The following SLC20A2 variants were observed in gnomAD, a reference collection of about 807,000 sequenced individuals.
SLC20A2 encodes the protein solute carrier family 20 member 2.
SLC20A2 carries 30 observed loss-of-function variants against 61.0 expected under a neutral mutation model. The ratio of observed to expected loss-of-function variants is 0.49; its 90% confidence interval spans 0.37 to 0.67. SLC20A2 has a LOEUF of 0.67. Among genes scored for constraint, SLC20A2 ranks in the 30% least tolerant of loss-of-function variants. SLC20A2 has a pLI of 0.00. For missense variants in SLC20A2, 626 were observed against 866.4 expected (o/e 0.72, Z 3.48); for synonymous variants, 351 against 353.3 (o/e 0.99, Z 0.07).
chr8:42,488,938 T>G lies in SLC20A2; in HGVS notation c.-265+12093A>C, dbSNP rs539486651. Among the ~76,000 whole-genome samples, 154 of 140,168 alleles carry G rather than the reference T, an allele frequency of 1.1e-3. 1 individual carries two copies. The highest frequency in any genetic ancestry group is 6.0e-3 in the East Asian group (30 of 4,980). The allele number at this position is 140,168 out of a possible 152,430, so 92.0% of individuals were successfully genotyped here. A position where few individuals can be genotyped will look rare whatever the true frequency, so the allele number is the denominator to read the frequency against. On this transcript the variant is annotated intron_variant, in intron 1 of 10. Transcript: ENST00000520262. Reference sequence around the variant, plus strand: ...GTTTTTGAGTTATAGGAGTTTTGTTTTTTTTTTTTTTTTTTTTTTGAAATG... The same window carrying G: ...GTTTTTGAGTTATAGGAGTTTTGTTGTTTTTTTTTTTTTTTTTTTGAAATG...
chr8:42,467,097 G>A (rs1034228835), intron 2 of SLC20A2, among the ~76,000 whole-genome samples: 4 of 152,144 alleles, frequency 2.6e-5, no homozygotes, highest in Non-Finnish European at 4.4e-5. Context: ...CTCACTGGAT[G>A]CAGTGAGCCA....
chr8:42,540,591 CGAA>C (rs1005596208), intron 1 of SLC20A2, among the ~76,000 whole-genome samples: 3 of 152,098 alleles, frequency 2.0e-5, no homozygotes, highest in African/African-American at 7.2e-5. Context: ...TTACCCTAGA[CGAA>C]GGTGAGTTTA....
intron 5 of SLC20A2, among the ~76,000 whole-genome samples, chr8:42,448,544 G>C (rs922009788): frequency 6.6e-6 from 1 of 152,112 alleles, no homozygotes; most frequent in African/African-American, 2.4e-5. Context: ...CCTGTGCTTC[G>C]ACTTAAGATA....
intron 1 of SLC20A2, among the ~76,000 whole-genome samples, chr8:42,481,160 CTAT>C (rs1361511431): frequency 1.3e-5 from 2 of 152,132 alleles, no homozygotes; most frequent in East Asian, 1.9e-4. Flanking sequence ...AAGAAGCAAC[CTAT>C]AATTAAGCTT....
At chr8:42,419,271 A>G (rs73631750) in intron 10 of SLC20A2, among the ~76,000 whole-genome samples, 10,994 of 152,036 alleles carry the variant, frequency 0.072, 708 homozygotes, top group African/African-American at 0.16. Flanking sequence ...CGATGGCTAT[A>G]AAATGGTGAT....
intron 1 of SLC20A2, among the ~76,000 whole-genome samples, chr8:42,510,868 T>A (rs1329059040): frequency 6.6e-6 from 1 of 151,670 alleles, no homozygotes; most frequent in Non-Finnish European, 1.5e-5. Flanking sequence ...GAAAAAAAAA[T>A]TTTATACATG....
chr8:42,459,235 C>CAAAAAAAAAAAAAAAAAAAA (rs756966778), intron 5 of SLC20A2, among the ~76,000 whole-genome samples: 9 of 36,076 alleles, frequency 2.5e-4, no homozygotes, highest in Non-Finnish European at 4.4e-4. Context: ...GACTCTATCT[C>CAAAAAAAAAAAAAAAAAAAA]AAAAAAAAAA....
At chr8:42,493,515 T>G (rs1809681642) in intron 1 of SLC20A2, among the ~76,000 whole-genome samples, 1 of 152,212 alleles carries the variant, frequency 6.6e-6, no homozygotes, top group South Asian at 2.1e-4. Flanking sequence ...TTTAACATTC[T>G]GAACTCCGGG....
chr8:42,448,140 G>A (rs770928805), intron 5 of SLC20A2, among the ~76,000 whole-genome samples: 11 of 152,178 alleles, frequency 7.2e-5, no homozygotes, highest in Non-Finnish European at 7.4e-5. Flanking sequence ...AACAACTGAC[G>A]CCAACACCGA....
upstream of SLC20A2, among the ~76,000 whole-genome samples, chr8:42,505,966 T>G (rs1810673254): frequency 6.6e-6 from 1 of 150,446 alleles, no homozygotes. Flanking sequence ...CTGTATTTTA[T>G]TTATTTATTT....
intron 5 of SLC20A2, among the ~76,000 whole-genome samples, chr8:42,448,834 G>A (rs896156394): frequency 3.9e-5 from 6 of 152,200 alleles, no homozygotes; most frequent in African/African-American, 1.4e-4. Flanking sequence ...TATTCCAGCA[G>A]TTTGGTGATT....
At chr8:42,422,621 C>T (rs987844142) in intron 10 of SLC20A2, among the ~76,000 whole-genome samples, 8 of 152,012 alleles carry the variant, frequency 5.3e-5, no homozygotes, top group African/African-American at 1.5e-4. Context: ...TATCCTCACC[C>T]GCCCCACCCC....
chr8:42,447,519 T>C (rs1392907284), intron 5 of SLC20A2, among the ~76,000 whole-genome samples: 4 of 150,052 alleles, frequency 2.7e-5, no homozygotes, highest in South Asian at 2.1e-4. Flanking sequence ...CTACTAAAAA[T>C]ACAAAAAAAT....
At chr8:42,533,526 G>C (rs538902207) in intron 1 of SLC20A2, among the ~76,000 whole-genome samples, 3 of 152,084 alleles carry the variant, frequency 2.0e-5, no homozygotes. Flanking sequence ...TGAAGCACGA[G>C]AACTGCTTGA....
intron 1 of SLC20A2, among the ~76,000 whole-genome samples, chr8:42,533,032 C>T (rs1812440301): frequency 6.6e-6 from 1 of 152,128 alleles, no homozygotes; most frequent in Non-Finnish European, 1.5e-5. Context: ...AAGTGATAAA[C>T]AGGGCAGAAG....
chr8:42,499,181 C>A (rs1046326210), intron 1 of SLC20A2, among the ~76,000 whole-genome samples: 2 of 152,104 alleles, frequency 1.3e-5, no homozygotes, highest in Non-Finnish European at 2.9e-5. Context: ...CTCCTGGACT[C>A]CTCCTGCGGC....
chr8:42,458,795 G>T (rs2131149835), intron 5 of SLC20A2, among the ~76,000 whole-genome samples: 1 of 151,974 alleles, frequency 6.6e-6, no homozygotes, highest in East Asian at 1.9e-4. Flanking sequence ...TGTAGTCCCA[G>T]CTACTCGGGA....
rs1410240485 is a variant in SLC20A2 at position 42,472,701 on chromosome 8, G to GT, written c.-264-48dup. 2 of 261,436 alleles carry GT rather than the reference G, an allele frequency of 7.7e-6. No individual in the cohort carries two copies. The highest frequency in any genetic ancestry group is 2.2e-5 in the African/African-American group (1 of 45,050). The allele number at this position is 261,436 out of a possible 1,614,324, so 16.2% of individuals were successfully genotyped here. On this transcript the variant is annotated intron_variant, in intron 1 of 10. Coordinates refer to ENST00000520262, the MANE Select transcript of SLC20A2 (RefSeq NM_001257180.2). The surrounding 1 kb of genome is among the most constrained non-coding windows in gnomAD (Gnocchi z 4.1). ...AGAAATCAATTATACTCAGCAACCT[G>GT]TAACAGTTTGTTCTTTCAGAAATAA...
chr8:42,427,142 G>A (rs1803469671), intron 10 of SLC20A2, among the ~76,000 whole-genome samples: 1 of 152,260 alleles, frequency 6.6e-6, no homozygotes, highest in East Asian at 1.9e-4. Flanking sequence ...GGAGGACGCT[G>A]GCCATGCCGT....
Sources: allele counts gnomAD v4.1 joint callset (sites outside exome capture counted in the v4.1 genomes callset), GRCh38; gene constraint gnomAD v4.1.1; non-coding constraint Gnocchi (gnomAD v3.1); transcripts MANE v1.5; gene names NCBI Gene and HGNC (gene_info 2026-07-23, HGNC 2026-07-21).